The following PKHD1L1 variants were observed in gnomAD, a reference collection of about 807,000 sequenced individuals.
PKHD1L1 encodes fibrocystin-L.
PKHD1L1 carries 434 observed loss-of-function variants against 462.9 expected under a neutral mutation model. That is an observed-to-expected ratio of 0.94 (90% CI 0.87 to 1.02). The LOEUF (loss-of-function observed/expected upper bound fraction) is 1.02, where lower values mean the gene tolerates loss of function less well. Ranked by LOEUF, PKHD1L1 falls within the 50% of genes least tolerant of loss-of-function variation. The probability of loss-of-function intolerance (pLI) is 0.00; values close to 1 mark genes in which losing one functional copy is unlikely to be tolerated. For synonymous variants in PKHD1L1, 1,781 were observed against 1,750.0 expected (o/e 1.02, Z -0.44); for missense variants, 5,202 against 5,096.1 (o/e 1.02, Z -0.63).
chr8:109,446,072 A>T (rs1816121400), intron 38 of PKHD1L1, among the ~76,000 whole-genome samples: 1 of 152,230 alleles, frequency 6.6e-6, no homozygotes, highest in Admixed American at 6.5e-5. Flanking sequence ...TTAACTTATT[A>T]GCATGCCAGA....
At chr8:109,366,598 T>TA (rs1388058736) in intron 2 of PKHD1L1, among the ~76,000 whole-genome samples, 2 of 152,314 alleles carry the variant, frequency 1.3e-5, no homozygotes, top group East Asian at 3.9e-4. Flanking sequence ...AAAATCTTGT[T>TA]ACATATTCTT....
At chr8:109,430,728 C>T (rs373370334) in intron 27 of PKHD1L1, among the ~76,000 whole-genome samples, 17 of 151,360 alleles carry the variant, frequency 1.1e-4, no homozygotes, top group African/African-American at 3.1e-4. Flanking sequence ...TAGGAAAATT[C>T]GCCAACTAAT....
intron 44 of PKHD1L1, 150 bp downstream of exon 44, chr8:109,454,396 C>G: frequency 1.5e-6 from 1 of 659,148 alleles, no homozygotes; most frequent in Admixed American, 3.3e-5. Flanking sequence ...ATCCTTTATG[C>G]AAGGAGAAAA....
intron 5 of PKHD1L1, among the ~76,000 whole-genome samples, chr8:109,385,306 C>T (rs930709318): frequency 3.3e-5 from 5 of 149,912 alleles, no homozygotes; most frequent in Non-Finnish European, 5.9e-5. Flanking sequence ...TTGTGGAATA[C>T]CATCCTGTCT....
chr8:109,428,605 G>A lies in PKHD1L1; in HGVS notation c.3001-735G>A, dbSNP rs1245164902. ...AACTGAAATTAGAGAACTCCACAAT[G>A]AAGATAGGTCTAGTGACTGACCTCC... On this transcript the variant is annotated intron_variant, in intron 25 of 77. Coordinates refer to ENST00000378402, the MANE Select transcript of PKHD1L1 (RefSeq NM_177531.6). Among the ~76,000 whole-genome samples, 3 of 152,146 alleles carry A rather than the reference G, an allele frequency of 2.0e-5. No homozygotes were observed. The East Asian group carries it at 5.8e-4, about 29-fold the overall frequency.
intron 47 of PKHD1L1, among the ~76,000 whole-genome samples, chr8:109,460,121 A>T (rs1817037370): frequency 6.6e-6 from 1 of 152,108 alleles, no homozygotes; most frequent in Non-Finnish European, 1.5e-5. Flanking sequence ...GTGCACTTGG[A>T]TTCTGTTGAT....
chr8:109,419,392 A>C, intron 22 of PKHD1L1, 132 bp downstream of exon 22: 1 of 633,718 alleles, frequency 1.6e-6, no homozygotes, highest in East Asian at 2.9e-5. Context: ...TTTTATCTGA[A>C]TAATATTATG....
Position 109,515,197 on chromosome 8 carries a change from A to G in PKHD1L1, c.11581A>G (p.Thr3861Ala). The G allele has an allele frequency of 6.3e-7, 1 of 1,597,830 alleles. No homozygotes were observed. The highest frequency in any genetic ancestry group is 1.1e-5 in the South Asian group (1 of 87,834). The change falls in exon 72 of 78, where the codon ACA becomes GCA. Residue 3861 changes from threonine to alanine, a missense_variant. Physicochemically the swap from Thr to Ala is moderately conservative, Grantham distance 58 (BLOSUM62 0). This residue lies in a region of PKHD1L1 where 698 missense variants were observed against 736.3 expected (regional missense o/e 0.95). Transcript: ENST00000378402. ...KAVLVGIFFS[T>A]LQRLDVYVNN... ...TGTTCTAGTAGGAATTTTCTTTTCC[A>G]CACTTCAACGTTTGGATGTCTATGT...
chr8:109,470,938 G>C, intron 50 of PKHD1L1: 1 of 1,607,980 alleles, frequency 6.2e-7, no homozygotes. Context: ...AAGGATTTCT[G>C]AACAACAGTG....
At chr8:109,492,194 A>G (rs1049225271) in intron 62 of PKHD1L1, among the ~76,000 whole-genome samples, 200 bp downstream of exon 62, 2 of 150,398 alleles carry the variant, frequency 1.3e-5, no homozygotes, top group East Asian at 3.9e-4. Context: ...TTCCAACATT[A>G]TTTCAAGTTC....
Position 109,438,412 on chromosome 8 carries a change from C to T in PKHD1L1, c.3716C>T (p.Thr1239Ile). Residue 1239 changes from threonine to isoleucine, a missense_variant, in exon 31 of 78, where the codon ACA becomes ATA. By Grantham distance (89) the Thr-to-Ile change is moderately conservative (BLOSUM62 -1). Transcript: ENST00000378402. ...RDAFSYNCLQ[T>I]PIITDFSPKV... Reference sequence around the variant, plus strand: ...GCTTTTAGTTATAATTGTTTACAGACACCAATTATAACTGATTTTAGTCCA... The same window carrying T: ...GCTTTTAGTTATAATTGTTTACAGATACCAATTATAACTGATTTTAGTCCA... 2 of 1,538,582 alleles carry T rather than the reference C, an allele frequency of 1.3e-6. No homozygotes were observed.
intron 37 of PKHD1L1, 58 bp downstream of exon 37, chr8:109,443,960 T>G (rs1043772264): frequency 2.9e-6 from 4 of 1,388,090 alleles, no homozygotes; most frequent in African/African-American, 2.9e-5. Context: ...AAAAGTATTT[T>G]GACGATAACC....
chr8:109,393,439 A>G (rs923340763), intron 9 of PKHD1L1, among the ~76,000 whole-genome samples: 1 of 152,172 alleles, frequency 6.6e-6, no homozygotes, highest in African/African-American at 2.4e-5. Context: ...TTTCCTTCTT[A>G]ATTCTTTAGG....
chr8:109,382,301 A>T (rs1284466381), intron 3 of PKHD1L1, among the ~76,000 whole-genome samples, 162 bp from the exon 4 acceptor site: 1 of 152,132 alleles, frequency 6.6e-6, no homozygotes, highest in Non-Finnish European at 1.5e-5. Flanking sequence ...GATGGAGATC[A>T]TTTTTCCATA....
At chr8:109,481,716 A>G (rs1818285313) in intron 56 of PKHD1L1, among the ~76,000 whole-genome samples, 154 bp downstream of exon 56, 1 of 151,744 alleles carries the variant, frequency 6.6e-6, no homozygotes, top group Non-Finnish European at 1.5e-5. Flanking sequence ...ACAGAAATTT[A>G]TTTATTGTAA....
At position 109,427,023 on chromosome 8, in the gene PKHD1L1, C is replaced by A. The variant is rs375463553; in HGVS notation, c.2867C>A (p.Ala956Asp). 1.2e-4 allele frequency: 198 copies of A among 1,589,916 alleles called. 2 individuals carry two copies. In the East Asian group the frequency reaches 2.5e-3, roughly 20 times the overall value. The change falls in exon 25 of 78, where the codon GCT becomes GAT. Residue 956 changes from alanine (A) to aspartate (D), a missense_variant. Ala to Asp is a moderately radical substitution (Grantham distance 126). Transcript: ENST00000378402. ...ILKGLPAAVS[A>D]ADLQFALQSL... is the part of the protein sequence containing the mutation. ...GCAGGCCTCCCCGCTGCTGTGTCAG[C>A]TGCAGATCTGCAGTTTGCACTCCAG... is the stretch of plus-strand genomic sequence containing the variant.
intron 29 of PKHD1L1, 130 bp downstream of exon 29, chr8:109,435,484 C>T (rs796181992): frequency 3.5e-5 from 34 of 981,532 alleles, no homozygotes; most frequent in African/African-American, 2.0e-4. Flanking sequence ...AAGTCTCCTT[C>T]GAGAAGGTAC....
At position 109,510,931 on chromosome 8, in the gene PKHD1L1, C is replaced by T. The variant is rs1461966710; in HGVS notation, c.11550C>T (p.Asn3850=). 1 of 1,611,996 alleles carries T rather than the reference C, an allele frequency of 6.2e-7. No individual in the cohort carries two copies. The highest frequency in any genetic ancestry group is 8.5e-7 in the Non-Finnish European group (1 of 1,178,884). Residue 3850 remains asparagine, a synonymous_variant, in exon 71 of 78, where the codon AAC becomes AAT. Transcript: ENST00000378402. ...TGATGTTGCTTAATGTTGATCATAA[C>T]AAGGTAGGGCAAGATGTCTTAAGAG... is the stretch of plus-strand genomic sequence containing the variant. The part of the protein sequence containing the change: ...LRLMLLNVDH[N]KAVLVGIFFS...
At chr8:109,408,987 C>G (rs777995602) in intron 18 of PKHD1L1, among the ~76,000 whole-genome samples, 4 of 152,116 alleles carry the variant, frequency 2.6e-5, no homozygotes, top group African/African-American at 9.7e-5. Flanking sequence ...TAGGGGGCAG[C>G]CATTCATAAA....
Sources: allele counts gnomAD v4.1 joint callset (sites outside exome capture counted in the v4.1 genomes callset), GRCh38; gene constraint gnomAD v4.1.1; regional missense constraint gnomAD v4.1.1; transcripts MANE v1.5; gene names NCBI Gene and HGNC (gene_info 2026-07-23, HGNC 2026-07-21).